Variants in TAFA2 observed in about 807,000 individuals in gnomAD.
TAFA2 encodes the protein TAFA chemokine like family member 2, also known as chemokine-like protein TAFA-2.
A neutral mutation model predicts 18.8 loss-of-function variants in TAFA2; 7 were observed. The observed-to-expected ratio is 0.37, with a 90% confidence interval of 0.21 to 0.70. The LOEUF is 0.70. Ranked by LOEUF, TAFA2 falls within the 30% of genes least tolerant of loss-of-function variation. TAFA2 has a pLI of 0.53. For missense variants in TAFA2, 122 were observed against 158.1 expected (o/e 0.77, Z 1.23); for synonymous variants, 60 against 54.2 (o/e 1.11, Z -0.47).
intron 2 of TAFA2, among the ~76,000 whole-genome samples, chr12:61,766,394 C>T (rs1041988630): frequency 6.6e-6 from 1 of 152,100 alleles, no homozygotes; most frequent in Admixed American, 6.6e-5. Flanking sequence ...CATACCTTCA[C>T]ATCTCTTTGT....
At chr12:61,889,793 T>A (rs1021933950) in intron 1 of TAFA2, among the ~76,000 whole-genome samples, 1 of 152,224 alleles carries the variant, frequency 6.6e-6, no homozygotes, top group Admixed American at 6.5e-5. Flanking sequence ...AGAGACTTTT[T>A]AAATTGTTTT....
At chr12:61,879,891 A>T (rs553630818) in intron 1 of TAFA2, 1 of 910,632 alleles carries the variant, frequency 1.1e-6, no homozygotes, top group Non-Finnish European at 1.8e-6. Flanking sequence ...ACAGAGATGG[A>T]GAATGAATTT....
intron 2 of TAFA2, among the ~76,000 whole-genome samples, chr12:61,759,045 G>A (rs937152068): frequency 6.6e-6 from 1 of 151,980 alleles, no homozygotes; most frequent in African/African-American, 2.4e-5. Context: ...TCTCTCCTCT[G>A]AGAAAAGAGG....
chr12:61,780,669 T>C (rs1300385161), intron 2 of TAFA2, among the ~76,000 whole-genome samples: 1 of 151,602 alleles, frequency 6.6e-6, no homozygotes, highest in Non-Finnish European at 1.5e-5. Context: ...TAAACAATGA[T>C]TAGCAAATAC....
intron 1 of TAFA2, among the ~76,000 whole-genome samples, chr12:61,870,540 A>G (rs1039488067): frequency 1.9e-4 from 29 of 152,192 alleles, no homozygotes; most frequent in African/African-American, 6.8e-4. Flanking sequence ...TTAGTAGGGT[A>G]TGAAAATCCT....
At chr12:62,198,224 A>T (rs909404833) in intron 1 of TAFA2, 2 of 151,956 alleles carry the variant, frequency 1.3e-5, no homozygotes, top group Non-Finnish European at 2.9e-5. Context: ...GTTATTATAT[A>T]TTGGAGCTGA....
intron 1 of TAFA2, among the ~76,000 whole-genome samples, chr12:62,110,873 TTC>T (rs757696005): frequency 1.7e-4 from 26 of 152,124 alleles, no homozygotes; most frequent in Non-Finnish European, 2.5e-4. Context: ...TATTTGATTC[TTC>T]TCTCTTTCCT....
In TAFA2 at chr12:61,964,763, A is replaced by G. The variant is rs1389018702; in HGVS notation, c.-1-97337T>C. Among the ~76,000 whole-genome samples the G allele has an allele frequency of 2.0e-5, 3 of 151,964 alleles. No individual in the cohort carries two copies. In the South Asian group the frequency reaches 6.2e-4, roughly 31 times the overall value. The stretch of plus-strand genomic sequence containing the variant: ...CTTTCTGCCATATGTTCCTTCCTCT[A>G]CCACCTCTTTTCTCCACATGTCAAA... On this transcript the variant is annotated intron_variant, in intron 1 of 4. Transcript: ENST00000416284.
chr12:61,823,182 C>CT (rs528765814), intron 2 of TAFA2, among the ~76,000 whole-genome samples: 17 of 151,076 alleles, frequency 1.1e-4, no homozygotes, highest in Admixed American at 2.6e-4. Context: ...TTTCTGTTTT[C>CT]TTTTTTTTGA....
chr12:61,795,154 T>C (rs1253413092), intron 2 of TAFA2, among the ~76,000 whole-genome samples: 1 of 152,166 alleles, frequency 6.6e-6, no homozygotes, highest in Non-Finnish European at 1.5e-5. Context: ...AGTTCAACCA[T>C]TGTGGAAGAG....
chr12:62,074,108 C>A (rs758849279), intron 1 of TAFA2, among the ~76,000 whole-genome samples: 1 of 152,178 alleles, frequency 6.6e-6, no homozygotes, highest in East Asian at 1.9e-4. Flanking sequence ...TTATGCAGCA[C>A]AGTCATTTAA....
intron 1 of TAFA2, among the ~76,000 whole-genome samples, chr12:62,234,104 T>C (rs1454449835): frequency 1.3e-5 from 2 of 152,172 alleles, no homozygotes; most frequent in East Asian, 1.9e-4. Flanking sequence ...TTTCAGAAGA[T>C]AGAGACATGT....
chr12:62,059,771 G>A (rs1882296454), intron 1 of TAFA2, among the ~76,000 whole-genome samples: 1 of 152,068 alleles, frequency 6.6e-6, no homozygotes. Flanking sequence ...TGTTTAGGCT[G>A]TTCGTTAAGT....
At chr12:62,112,414 T>TA (rs758848772) in intron 1 of TAFA2, among the ~76,000 whole-genome samples, 3 of 152,236 alleles carry the variant, frequency 2.0e-5, no homozygotes, top group Non-Finnish European at 2.9e-5. Context: ...CTGGCTGCCC[T>TA]TAACATTTTT....
At chr12:62,240,375 C>T (rs973071012) in intron 1 of TAFA2, among the ~76,000 whole-genome samples, 10 of 151,160 alleles carry the variant, frequency 6.6e-5, no homozygotes, top group African/African-American at 9.7e-5. Context: ...GCCGAGATAG[C>T]GCTATGGCAC....
At chr12:62,053,937 T>C (rs945612187) in intron 1 of TAFA2, among the ~76,000 whole-genome samples, 3 of 152,242 alleles carry the variant, frequency 2.0e-5, no homozygotes, top group Admixed American at 2.0e-4. Context: ...TAGTAATATG[T>C]TCATTTTTCT....
intron 1 of TAFA2, among the ~76,000 whole-genome samples, chr12:62,007,481 A>AGTTTATGAACTAG (rs1880593010): frequency 6.6e-6 from 1 of 152,220 alleles, no homozygotes; most frequent in Non-Finnish European, 1.5e-5. Flanking sequence ...AAGAGAACCT[A>AGTTTATGAACTAG]GTTCATAGTA....
chr12:61,758,727 G>A (rs987205010), intron 2 of TAFA2, among the ~76,000 whole-genome samples: 6 of 152,034 alleles, frequency 3.9e-5, no homozygotes, highest in African/African-American at 1.2e-4. Flanking sequence ...AGAGAACACA[G>A]CAGAATGGGA....
intron 4 of TAFA2, among the ~76,000 whole-genome samples, chr12:61,743,395 A>C (rs1868547204): frequency 6.6e-6 from 1 of 152,118 alleles, no homozygotes; most frequent in African/African-American, 2.4e-5. Context: ...TTGTAGTCAC[A>C]CAGAACAAAT....
Sources: gnomAD v4.1 joint callset for allele counts (sites outside exome capture counted in the v4.1 genomes callset) on GRCh38, gnomAD v4.1.1 for gene constraint, MANE v1.5 for transcripts, NCBI Gene and HGNC (gene_info 2026-07-23, HGNC 2026-07-21) for gene names.